Variants in TMEM131L observed in about 807,000 individuals in gnomAD.
TMEM131L encodes the protein transmembrane 131 like.
A neutral mutation model predicts 192.2 loss-of-function variants in TMEM131L; 54 were observed. The ratio of observed to expected loss-of-function variants is 0.28; its 90% confidence interval spans 0.23 to 0.35. TMEM131L has a LOEUF of 0.35. Among genes scored for constraint, TMEM131L ranks in the 10% least tolerant of loss-of-function variants. TMEM131L has a pLI of 1.00. For synonymous variants in TMEM131L, 701 were observed against 704.9 expected, an observed-to-expected ratio of 0.99 and a Z score of 0.09; for missense variants, 1,888 against 1,972.9, an observed-to-expected ratio of 0.96 and a Z score of 0.82.
At chr4:153,475,052 T>C (rs1731432724) in intron 3 of TMEM131L, among the ~76,000 whole-genome samples, 1 of 152,230 alleles carries the variant, frequency 6.6e-6, no homozygotes, top group Non-Finnish European at 1.5e-5. Flanking sequence ...TTTCCACCTC[T>C]GCTTTCACAA....
intron 4 of TMEM131L, 124 bp downstream of exon 4, chr4:153,550,265 C>T (rs1460728318): frequency 2.1e-6 from 1 of 469,160 alleles, no homozygotes; most frequent in African/African-American, 2.0e-5. Context: ...GATATTGATC[C>T]TGGGACTTAA....
chr4:153,574,328 TG>T (rs371435446), intron 7 of TMEM131L, among the ~76,000 whole-genome samples: 1 of 147,768 alleles, frequency 6.8e-6, no homozygotes, highest in Admixed American at 6.8e-5. Flanking sequence ...GTGGTGGTGG[TG>T]GGGGTTGAAA....
intron 20 of TMEM131L, 80 bp downstream of exon 20, chr4:153,596,465 T>G: frequency 6.5e-7 from 1 of 1,534,330 alleles, no homozygotes; most frequent in East Asian, 2.3e-5. Context: ...TAGTTGACGT[T>G]CACTTCTCAG....
Position 153,582,421 on chromosome 4 carries a change from TTTTTTTTTGTTG to T in TMEM131L, c.893-760_893-749del, listed in dbSNP as rs1254287628. On this transcript the variant is annotated intron_variant, in intron 9 of 34. Transcript: ENST00000409959. Reference sequence around the variant, plus strand: ...CACTATGCCTGGCTAATTTAAACCGTTTTTTTTTGTTGTTTTTTTTTTTTTTTTTTTTTTTTT... The same window carrying T: ...CACTATGCCTGGCTAATTTAAACCGTTTTTTTTTTTTTTTTTTTTTTTTTT... 9.4e-3 allele frequency among the ~76,000 whole-genome samples: 1,211 copies of T among 128,596 alleles called. 228 individuals carry two copies. Among genetic ancestry groups the T allele is most frequent in the African/African-American group, 0.043 (1,145 of 26,438 alleles). 84.4% of individuals were successfully genotyped at this position (128,596 alleles called of 152,430 possible).
At chr4:153,513,691 A>G (rs1049973789) in intron 3 of TMEM131L, among the ~76,000 whole-genome samples, 38 of 152,326 alleles carry the variant, frequency 2.5e-4, no homozygotes, top group East Asian at 5.8e-4. Flanking sequence ...TGTGTTGGCA[A>G]TTGACAAGGA....
At chr4:153,504,537 C>G (rs1733856318) in intron 3 of TMEM131L, among the ~76,000 whole-genome samples, 1 of 151,912 alleles carries the variant, frequency 6.6e-6, no homozygotes, top group African/African-American at 2.4e-5. Context: ...ATCCACCTGC[C>G]TTAGCCTCCC....
chr4:153,466,861 C>G lies in TMEM131L; in HGVS notation c.124+340C>G, dbSNP rs184586422. ...TGCCCCGCAGCGGCCCGGCTTCCTG[C>G]AGCTTTGTTCCCCCGAGCCTGGCCG... On this transcript the variant is annotated intron_variant, in intron 1 of 34. Coordinates refer to ENST00000409959, the MANE Select transcript of TMEM131L (RefSeq NM_001131007.2). Among the ~76,000 whole-genome samples, 347 of 152,272 alleles carry G rather than the reference C, an allele frequency of 2.3e-3. 6 individuals carry two copies. Among genetic ancestry groups the G allele is most frequent in the Non-Finnish European group, 6.0e-4 (41 of 68,010 alleles).
rs374612708 is a variant in TMEM131L, at chr4:153,621,031, G to A, written c.3692+151G>A. The A allele has an allele frequency of 3.4e-3, 1,951 of 572,158 alleles. 57 individuals are homozygous for A. The South Asian group carries it at 0.043, about 12-fold the overall frequency. The allele number at this position is 572,158 out of a possible 1,614,324, so 35.4% of individuals were successfully genotyped here. A position where few individuals can be genotyped will look rare whatever the true frequency, so the allele number is the denominator to read the frequency against. On this transcript the variant is annotated intron_variant, in intron 27 of 34. Coordinates refer to ENST00000409959, the MANE Select transcript of TMEM131L (RefSeq NM_001131007.2). ...TATCTCTTAAGATTAAAATACATTT[G>A]TAAAATTAACATTTTCCCATTATGT...
intron 5 of TMEM131L, among the ~76,000 whole-genome samples, chr4:153,556,512 T>TA (rs11316170): frequency 7.3e-5 from 11 of 150,744 alleles, no homozygotes; most frequent in Non-Finnish European, 1.3e-4. Context: ...ATTATGTACT[T>TA]AAAAAAAAAA....
intron 2 of TMEM131L, among the ~76,000 whole-genome samples, chr4:153,468,090 C>T (rs1730894304): frequency 6.6e-6 from 1 of 152,188 alleles, no homozygotes; most frequent in African/African-American, 2.4e-5. Flanking sequence ...ATGTTCATTA[C>T]TTCCCACGGT....
chr4:153,503,935 A>G (rs888023405), intron 3 of TMEM131L, among the ~76,000 whole-genome samples: 2 of 152,244 alleles, frequency 1.3e-5, no homozygotes, highest in African/African-American at 4.8e-5. Flanking sequence ...GCTTTTAAAT[A>G]TACTGTATAG....
intron 3 of TMEM131L, among the ~76,000 whole-genome samples, chr4:153,510,327 G>A (rs1430937433): frequency 6.6e-6 from 1 of 152,072 alleles, no homozygotes; most frequent in African/African-American, 2.4e-5. Context: ...ATTAATTGCC[G>A]ATTCTTAGAT....
chr4:153,467,291 A>G lies in TMEM131L; in HGVS notation c.195+10A>G. On this transcript the variant is annotated intron_variant, in intron 2 of 34. Coordinates refer to ENST00000409959, the MANE Select transcript of TMEM131L (RefSeq NM_001131007.2). ...CCTGCTGCCCACTCAGGTGAGGACG[A>G]CCAGGTGACAGGGCGGCTGTGGGTG... is the stretch of plus-strand genomic sequence containing the variant. 1 of 1,551,034 alleles carries G rather than the reference A, an allele frequency of 6.4e-7. No homozygotes were observed. The highest frequency in any genetic ancestry group is 8.7e-7 in the Non-Finnish European group (1 of 1,146,398).
At chr4:153,569,734 G>C (rs1435845200) in intron 7 of TMEM131L, among the ~76,000 whole-genome samples, 1 of 152,206 alleles carries the variant, frequency 6.6e-6, no homozygotes, top group African/African-American at 2.4e-5. Context: ...CTTTCGGATA[G>C]GGTTGGTGTA....
intron 2 of TMEM131L, among the ~76,000 whole-genome samples, chr4:153,472,416 A>G (rs1282802070): frequency 6.6e-6 from 1 of 152,194 alleles, no homozygotes; most frequent in Non-Finnish European, 1.5e-5. Flanking sequence ...TGAAGTTCCC[A>G]TAATAGTCAT....
At chr4:153,521,912 A>G (rs1358003552) in intron 3 of TMEM131L, among the ~76,000 whole-genome samples, 4 of 148,170 alleles carry the variant, frequency 2.7e-5, no homozygotes, top group Non-Finnish European at 6.0e-5. Context: ...CAAGAAGTGC[A>G]TGTTTATTTT....
At chr4:153,512,911 C>G (rs1734457319) in intron 3 of TMEM131L, among the ~76,000 whole-genome samples, 1 of 152,130 alleles carries the variant, frequency 6.6e-6, no homozygotes, top group Non-Finnish European at 1.5e-5. Flanking sequence ...CGTGCCCAGC[C>G]CTTTATTTTT....
intron 26 of TMEM131L, among the ~76,000 whole-genome samples, chr4:153,616,330 G>C (rs1732972442): frequency 6.6e-6 from 1 of 152,138 alleles, no homozygotes; most frequent in Non-Finnish European, 1.5e-5. Context: ...AAAATCCCTT[G>C]AGTGTATTAA....
At chr4:153,482,036 A>T (rs1731981406) in intron 3 of TMEM131L, among the ~76,000 whole-genome samples, 1 of 151,936 alleles carries the variant, frequency 6.6e-6, no homozygotes, top group African/African-American at 2.4e-5. Flanking sequence ...TAGTAGAGAT[A>T]GGGTTTCACC....
Sources: gnomAD v4.1 joint callset for allele counts (sites outside exome capture counted in the v4.1 genomes callset) on GRCh38, gnomAD v4.1.1 for gene constraint, MANE v1.5 for transcripts, NCBI Gene and HGNC (gene_info 2026-07-23, HGNC 2026-07-21) for gene names.